POLN: variants seen among roughly 807,000 people sequenced by gnomAD.
POLN encodes the protein DNA polymerase nu.
A neutral mutation model predicts 113.5 loss-of-function variants in POLN; 108 were observed. That is an observed-to-expected ratio of 0.95 (90% confidence interval 0.81 to 1.12). POLN has a LOEUF of 1.12. Among genes scored for constraint, POLN ranks in the 50% most tolerant of loss-of-function variants. The pLI, the probability that POLN is intolerant of heterozygous loss-of-function variation, is 0.00. For synonymous variants in POLN, 386 were observed against 391.5 expected, an observed-to-expected ratio of 0.99 and a Z score of 0.17; for missense variants, 1,097 against 1,077.1, an observed-to-expected ratio of 1.02 and a Z score of -0.26.
intron 8 of POLN, among the ~76,000 whole-genome samples, chr4:2,176,748 G>A (rs560397703): frequency 1.3e-5 from 2 of 152,034 alleles, no homozygotes; most frequent in African/African-American, 2.4e-5. Context: ...CTGCTGCCAC[G>A]TTCCACACTT....
chr4:2,217,080 A>C (rs1200914865), intron 3 of POLN, among the ~76,000 whole-genome samples: 4 of 152,210 alleles, frequency 2.6e-5, no homozygotes, highest in Non-Finnish European at 5.9e-5. Context: ...CTGTTCCCAC[A>C]GATCCCTCCA....
At chr4:2,119,310 T>C (rs1395750152) in intron 19 of POLN, among the ~76,000 whole-genome samples, 1 of 152,242 alleles carries the variant, frequency 6.6e-6, no homozygotes, top group Admixed American at 6.5e-5. Flanking sequence ...GGAATTCACC[T>C]AATGAGCCAA....
At chr4:2,208,626 G>A in intron 4 of POLN, 139 bp from the exon 5 acceptor site, 1 of 679,504 alleles carries the variant, frequency 1.5e-6, no homozygotes, top group Non-Finnish European at 2.3e-6. Context: ...AACCTTCTAA[G>A]GAAACCCTAT....
At chr4:2,129,415 G>T (rs763212091) in intron 17 of POLN, among the ~76,000 whole-genome samples, 159 bp from the exon 18 acceptor site, 16 of 152,100 alleles carry the variant, frequency 1.1e-4, no homozygotes, top group Non-Finnish European at 1.9e-4. Flanking sequence ...AGAGATGGGG[G>T]TCTCACTTTG....
intron 2 of POLN, chr4:2,240,284 CTGT>C (rs766937815): frequency 6.2e-7 from 1 of 1,612,996 alleles, no homozygotes; most frequent in Non-Finnish European, 8.5e-7. Context: ...CCTGAAAGAA[CTGT>C]TTTTTGGTAT....
intron 19 of POLN, among the ~76,000 whole-genome samples, chr4:2,105,196 C>T (rs1158990317): frequency 1.3e-5 from 2 of 152,222 alleles, no homozygotes; most frequent in Non-Finnish European, 2.9e-5. Context: ...AATTGCCCCA[C>T]TGGGACTCCC....
intron 15 of POLN, 132 bp downstream of exon 15, chr4:2,157,726 A>C: frequency 4.1e-6 from 1 of 245,996 alleles, no homozygotes; most frequent in Non-Finnish European, 6.9e-6. Flanking sequence ...CTGTCTCAAA[A>C]AAAAAAAAAA....
Position 2,176,347 on chromosome 4 carries a change from A to C in POLN, c.1180-13T>G, listed in dbSNP as rs1338141437. On this transcript the variant is annotated splice_polypyrimidine_tract_variant and intron_variant, in intron 8 of 25. Coordinates refer to ENST00000511885, the MANE Select transcript of POLN (RefSeq NM_181808.4). ...GTACATTCTGATTCTTTAAAAGAGCAAAAGTATTTTTAAAAATCAGATAAA... is the reference window on the plus strand; with the variant it reads ...GTACATTCTGATTCTTTAAAAGAGCCAAAGTATTTTTAAAAATCAGATAAA... The C allele has an allele frequency of 6.4e-7, 1 of 1,573,250 alleles. No individual in the cohort carries two copies. Among genetic ancestry groups the C allele is most frequent in the Non-Finnish European group, 8.6e-7 (1 of 1,159,904 alleles).
rs1161101681 is a variant in POLN, at chr4:2,148,664, C to T, written c.1731+8124G>A. ...CCTGGGCGACAGAGCGAGACTCTGTCCCCCCCCCAAAAAAAAAAAGTATGT... is the reference window on the plus strand; with the variant it reads ...CCTGGGCGACAGAGCGAGACTCTGTTCCCCCCCCAAAAAAAAAAAGTATGT... On this transcript the variant is annotated intron_variant, in intron 16 of 25. Transcript: ENST00000511885. Among the ~76,000 whole-genome samples the T allele has an allele frequency of 3.1e-4, 12 of 39,026 alleles. 1 individual carries two copies. The highest frequency in any genetic ancestry group is 6.1e-4 in the Non-Finnish European group (6 of 9,810). The allele number at this position is 39,026 out of a possible 152,430, so 25.6% of individuals were successfully genotyped here.
intron 9 of POLN, among the ~76,000 whole-genome samples, chr4:2,175,512 T>C (rs1053237949): frequency 6.6e-6 from 1 of 152,236 alleles, no homozygotes; most frequent in African/African-American, 2.4e-5. Context: ...ATGGATTAAT[T>C]TGAGGAACAT....
At chr4:2,231,955 TTTGA>T (rs765870559) in intron 2 of POLN, 18 of 1,420,922 alleles carry the variant, frequency 1.3e-5, no homozygotes, top group Admixed American at 1.9e-5. Context: ...AGCCTTAATC[TTTGA>T]TTGAGTTTCT....
In POLN at chr4:2,171,190, A is replaced by G. The variant is rs752551807; in HGVS notation, c.1375-9T>C. On this transcript the variant is annotated splice_polypyrimidine_tract_variant and intron_variant, in intron 11 of 25. Coordinates refer to ENST00000511885, the MANE Select transcript of POLN (RefSeq NM_181808.4). ...AATTCCTTGAGACGAGCCTGAAAAT[A>G]TGATACACACAATTAATTTCATTCA... is the stretch of plus-strand genomic sequence containing the variant. The G allele has an allele frequency of 6.3e-7, 1 of 1,599,262 alleles. No individual in the cohort carries two copies. The highest frequency in any genetic ancestry group is 1.1e-5 in the South Asian group (1 of 88,970).
intron 13 of POLN, among the ~76,000 whole-genome samples, chr4:2,159,586 C>A (rs750952581): frequency 4.6e-5 from 7 of 152,098 alleles, no homozygotes; most frequent in Non-Finnish European, 8.8e-5. Flanking sequence ...CTTTAAGAAT[C>A]AAAATATAAC....
At chr4:2,159,132 T>C in intron 14 of POLN, 23 bp downstream of exon 14, 1 of 1,562,288 alleles carries the variant, frequency 6.4e-7, no homozygotes, top group Non-Finnish European at 8.8e-7. Flanking sequence ...TTTTACCTTT[T>C]ACGTACAAAA....
chr4:2,121,377 G>A (rs1255082402), intron 19 of POLN, among the ~76,000 whole-genome samples: 4 of 151,200 alleles, frequency 2.6e-5, no homozygotes, highest in African/African-American at 9.7e-5. Context: ...GGAGGTTGCA[G>A]TGAGCCAAGA....
rs747389807 is a variant in POLN at position 2,213,103 on chromosome 4, T to C, written c.157A>G (p.Ser53Gly). Reference protein sequence around the residue: ...TETMEVINKSSVKYSVQLEDR... With the variant: ...TETMEVINKSGVKYSVQLEDR... ...TCAAGTTGTACTGAATACTTAACAC[T>C]GGACTTGTTTATCACTTCCATAGCT... The change falls in exon 4 of 26, where the codon AGT (serine) becomes GGT (glycine). Residue 53 changes from serine to glycine, a missense_variant. Transcript: ENST00000511885. 3 of 1,607,642 alleles carry C rather than the reference T, an allele frequency of 1.9e-6. No individual in the cohort carries two copies. Among genetic ancestry groups the C allele is most frequent in the South Asian group, 2.2e-5 (2 of 89,470 alleles).
Position 2,129,177 on chromosome 4 carries a change from AC to A in POLN, c.1867+1del, listed in dbSNP as rs1318755635. On this transcript the variant is annotated splice_donor_variant, in intron 18 of 25. Transcript: ENST00000511885. LOFTEE classifies it high-confidence loss of function. ...TGCATAAAGCAAGCTACAGCAACGT[AC>A]CTGCTGCTAGAAAGGTGTGGCCTTT... 15 of 1,572,392 alleles carry A rather than the reference AC, an allele frequency of 9.5e-6. No individual in the cohort carries two copies. Among genetic ancestry groups the A allele is most frequent in the Admixed American group, 5.0e-5 (3 of 59,918 alleles).
chr4:2,191,368 A>T (rs1249083030), intron 7 of POLN, among the ~76,000 whole-genome samples: 1 of 152,176 alleles, frequency 6.6e-6, no homozygotes, highest in East Asian at 1.9e-4. Flanking sequence ...AGAGTAGTTG[A>T]TTAACGGTTA....
At chr4:2,167,141 C>T (rs558710345) in intron 13 of POLN, among the ~76,000 whole-genome samples, 7 of 152,140 alleles carry the variant, frequency 4.6e-5, no homozygotes, top group Non-Finnish European at 1.0e-4. Context: ...ACGGCTGTAT[C>T]CCACATACTG....
Sources: allele counts gnomAD v4.1 joint callset (sites outside exome capture counted in the v4.1 genomes callset), GRCh38; gene constraint gnomAD v4.1.1; transcripts MANE v1.5; gene names NCBI Gene and HGNC (gene_info 2026-07-23, HGNC 2026-07-21).